Variants in ARHGAP44 observed in about 807,000 individuals in gnomAD.
ARHGAP44 encodes the protein rho GTPase-activating protein 44.
Under a neutral mutation model 106.8 loss-of-function variants are expected in ARHGAP44, and 43 were observed. The ratio of observed to expected loss-of-function variants is 0.40; its 90% CI spans 0.32 to 0.52. The LOEUF (loss-of-function observed/expected upper bound fraction) is 0.52, where lower values mean the gene tolerates loss of function less well. Among genes scored for constraint, ARHGAP44 ranks in the 20% least tolerant of loss-of-function variants. The pLI, the probability that ARHGAP44 is intolerant of heterozygous loss-of-function variation, is 0.48. For missense variants in ARHGAP44, 866 were observed against 1,050.5 expected (o/e 0.82, Z 2.43); for synonymous variants, 439 against 410.3 (o/e 1.07, Z -0.85).
intron 17 of ARHGAP44, 145 bp downstream of exon 17, chr17:12,973,464 A>T (rs74730836): frequency 0.092 from 75,489 of 820,334 alleles, 3,992 homozygotes; most frequent in Admixed American, 0.13. Flanking sequence ...CCATCATTAA[A>T]ATAGAATCAG....
At chr17:12,863,190 T>C (rs1470475081) in intron 1 of ARHGAP44, among the ~76,000 whole-genome samples, 1 of 152,036 alleles carries the variant, frequency 6.6e-6, no homozygotes, top group Non-Finnish European at 1.5e-5. Context: ...TTAAAGGTTA[T>C]TGCACCTAAT....
Position 12,870,048 on chromosome 17 carries a change from C to CTTTTTTTTT in ARHGAP44, c.54-24882_54-24874dup, listed in dbSNP as rs3074688. On this transcript the variant is annotated intron_variant, in intron 1 of 20. Coordinates refer to ENST00000379672, the MANE Select transcript of ARHGAP44 (RefSeq NM_014859.6). ...ATTATTTCTTGTCAACAAATACCGT[C>CTTTTTTTTT]TTTTTTTTTTTTTTTTTTGAGATAG... 4.4e-5 allele frequency among the ~76,000 whole-genome samples: 5 copies of CTTTTTTTTT among 113,088 alleles called. 1 individual carries two copies. The highest frequency in any genetic ancestry group is 8.6e-5 in the Non-Finnish European group (5 of 58,236). The allele number at this position is 113,088 out of a possible 152,430, so 74.2% of individuals were successfully genotyped here. A position where few individuals can be genotyped will look rare whatever the true frequency, so the allele number is the denominator to read the frequency against.
intron 1 of ARHGAP44, among the ~76,000 whole-genome samples, chr17:12,889,863 G>C (rs1239718388): frequency 6.6e-6 from 1 of 152,130 alleles, no homozygotes; most frequent in Non-Finnish European, 1.5e-5. Flanking sequence ...TCTCAAAAGA[G>C]AGAAATAGGC....
At chr17:12,853,857 T>C (rs2035831299) in intron 1 of ARHGAP44, among the ~76,000 whole-genome samples, 1 of 152,234 alleles carries the variant, frequency 6.6e-6, no homozygotes, top group Non-Finnish European at 1.5e-5. Context: ...TCCTTTTCCC[T>C]TCTTCCTAGT....
At chr17:12,939,383 C>T (rs2038642360) in intron 7 of ARHGAP44, among the ~76,000 whole-genome samples, 1 of 152,180 alleles carries the variant, frequency 6.6e-6, no homozygotes, top group Non-Finnish European at 1.5e-5. Flanking sequence ...AAATTCAATA[C>T]TAAACCTAAG....
intron 1 of ARHGAP44, among the ~76,000 whole-genome samples, chr17:12,879,484 A>C (rs2036656192): frequency 6.6e-6 from 1 of 152,126 alleles, no homozygotes; most frequent in Non-Finnish European, 1.5e-5. Context: ...GTAGATACCC[A>C]GGAGTGGGAT....
intron 1 of ARHGAP44, among the ~76,000 whole-genome samples, chr17:12,808,721 C>T (rs1567624478): frequency 6.6e-6 from 1 of 152,194 alleles, no homozygotes; most frequent in Non-Finnish European, 1.5e-5. Flanking sequence ...CTGATATGCC[C>T]TGGGGACATT....
intron 1 of ARHGAP44, among the ~76,000 whole-genome samples, chr17:12,821,042 G>T (rs1262358874): frequency 6.6e-6 from 1 of 152,092 alleles, no homozygotes. Flanking sequence ...TTTTAGTTTG[G>T]CATATGGGAA....
At chr17:12,930,386 A>G (rs970997669) in intron 7 of ARHGAP44, among the ~76,000 whole-genome samples, 11 of 152,062 alleles carry the variant, frequency 7.2e-5, no homozygotes, top group African/African-American at 2.4e-4. Context: ...GGTGCACACA[A>G]CCACGCTTGG....
At chr17:12,856,336 G>T (rs573961863) in intron 1 of ARHGAP44, among the ~76,000 whole-genome samples, 93 of 152,276 alleles carry the variant, frequency 6.1e-4, no homozygotes, top group African/African-American at 2.2e-3. Flanking sequence ...TGTCTCTGGG[G>T]TGGCTGCTTC....
chr17:12,957,688 A>G (rs1016967120), intron 15 of ARHGAP44, among the ~76,000 whole-genome samples: 2 of 152,166 alleles, frequency 1.3e-5, no homozygotes, highest in Admixed American at 6.5e-5. Context: ...GCCTCACTCC[A>G]TAAGTAGATG....
chr17:12,923,745 TCTTGTAGGAC>T (rs2038154157), intron 6 of ARHGAP44, among the ~76,000 whole-genome samples: 1 of 152,224 alleles, frequency 6.6e-6, no homozygotes, highest in Admixed American at 6.5e-5. Flanking sequence ...AGTCTACCTG[TCTTGTAGGAC>T]CTTGCCAAAA....
Position 12,929,395 on chromosome 17 carries a change from C to A in ARHGAP44, c.582+349C>A, listed in dbSNP as rs545883379. On this transcript the variant is annotated intron_variant, in intron 7 of 20. Coordinates refer to ENST00000379672, the MANE Select transcript of ARHGAP44 (RefSeq NM_014859.6). ...AGTTGAGAATTTGACCATAGATGAGCCTTGACTCACTGTTGATACTTAGTT... is the reference window on the plus strand; with the variant it reads ...AGTTGAGAATTTGACCATAGATGAGACTTGACTCACTGTTGATACTTAGTT... 24 of 176,476 alleles carry A rather than the reference C, an allele frequency of 1.4e-4. No homozygotes were observed. In the East Asian group the frequency reaches 3.3e-3, roughly 24 times the overall value. 10.9% of individuals were successfully genotyped at this position (176,476 alleles called of 1,614,324 possible).
intron 1 of ARHGAP44, among the ~76,000 whole-genome samples, chr17:12,852,998 A>G (rs186474798): frequency 6.6e-6 from 1 of 152,306 alleles, no homozygotes; most frequent in Admixed American, 6.5e-5. Flanking sequence ...GACAGGACTG[A>G]TAGGATAGAT....
At chr17:12,972,894 C>T in intron 16 of ARHGAP44, 1 of 161,466 alleles carries the variant, frequency 6.2e-6, no homozygotes, top group Non-Finnish European at 1.3e-5. Context: ...ATCTCCTGAC[C>T]TCATGATCCA....
chr17:12,796,088 G>A (rs1200155565), intron 1 of ARHGAP44, among the ~76,000 whole-genome samples: 1 of 151,958 alleles, frequency 6.6e-6, no homozygotes, highest in Non-Finnish European at 1.5e-5. Context: ...TCATTACCCA[G>A]AGACCATAGT....
In ARHGAP44 at chr17:12,982,038, C is replaced by T. The variant is rs184981226; in HGVS notation, c.1939+1805C>T. ...AAAAAAAAGAGTCCTTTAACTTTCC[C>T]CACAGCACTACAATACAGGGGTGAT... On this transcript the variant is annotated intron_variant, in intron 19 of 20. Coordinates refer to ENST00000379672, the MANE Select transcript of ARHGAP44 (RefSeq NM_014859.6). 3.3e-5 allele frequency among the ~76,000 whole-genome samples: 5 copies of T among 152,172 alleles called. No homozygotes were observed. In the East Asian group the frequency reaches 7.8e-4, roughly 24 times the overall value.
chr17:12,894,826 C>T, intron 1 of ARHGAP44, 114 bp from the exon 2 acceptor site: 1 of 909,144 alleles, frequency 1.1e-6, no homozygotes, highest in Non-Finnish European at 1.7e-6. Flanking sequence ...TTAAATGTTT[C>T]TACTACTCAT....
At chr17:12,856,451 A>G (rs2035914526) in intron 1 of ARHGAP44, among the ~76,000 whole-genome samples, 1 of 152,132 alleles carries the variant, frequency 6.6e-6, no homozygotes. Flanking sequence ...ATTTTCTACT[A>G]TTTTTTAAAA....
Sources: gnomAD v4.1 joint callset for allele counts (sites outside exome capture counted in the v4.1 genomes callset) on GRCh38, gnomAD v4.1.1 for gene constraint, MANE v1.5 for transcripts, NCBI Gene and HGNC (gene_info 2026-07-23, HGNC 2026-07-21) for gene names.